Variants in ATP11A observed in about 807,000 individuals in gnomAD.
The protein encoded by ATP11A is ATPase phospholipid transporting 11A, also known as phospholipid-transporting ATPase IH.
A neutral mutation model predicts 154.4 loss-of-function variants in ATP11A; 81 were observed. The observed-to-expected ratio is 0.52, with a 90% confidence interval of 0.44 to 0.63. ATP11A has a LOEUF of 0.63. Ranked by LOEUF, ATP11A falls within the 30% of genes least tolerant of loss-of-function variation. The pLI is 0.00. For synonymous variants in ATP11A, 623 were observed against 585.9 expected (o/e 1.06, Z -0.91); for missense variants, 1,316 against 1,474.3 (o/e 0.89, Z 1.76).
rs59104065 is a variant in ATP11A at position 112,740,148 on chromosome 13, CTATATATA to C, written c.40-44972_40-44965del. On this transcript the variant is annotated intron_variant, in intron 1 of 29. Transcript: ENST00000375645. ...GAATTCTCTCTCTCTCTCTCTCTCTCTATATATATATATATATATATAGATATCTATAT... is the reference window on the plus strand; with the variant it reads ...GAATTCTCTCTCTCTCTCTCTCTCTCTATATATATATATAGATATCTATAT... 4.3e-3 allele frequency among the ~76,000 whole-genome samples: 589 copies of C among 137,900 alleles called. 6 individuals carry two copies. The highest frequency in any genetic ancestry group is 0.015 in the African/African-American group (546 of 35,970). 90.5% of individuals were successfully genotyped at this position (137,900 alleles called of 152,430 possible).
chr13:112,790,543 G>T (rs929131918), intron 2 of ATP11A, among the ~76,000 whole-genome samples: 1 of 149,154 alleles, frequency 6.7e-6, no homozygotes, highest in African/African-American at 2.5e-5. Context: ...ATTCACACCG[G>T]GTATTCTGAC....
At chr13:112,844,055 C>T (rs2079504982) in intron 17 of ATP11A, among the ~76,000 whole-genome samples, 2 of 152,216 alleles carry the variant, frequency 1.3e-5, no homozygotes, top group Admixed American at 1.3e-4. Flanking sequence ...AGCCTCAGTA[C>T]AGGGGCGTGT....
chr13:112,774,048 G>A (rs891730965), intron 1 of ATP11A, among the ~76,000 whole-genome samples: 1 of 152,190 alleles, frequency 6.6e-6, no homozygotes, highest in Non-Finnish European at 1.5e-5. Context: ...TCCACCTCAC[G>A]GGGAACTAGG....
At chr13:112,701,397 A>G (rs1401019425) in intron 1 of ATP11A, among the ~76,000 whole-genome samples, 2 of 152,188 alleles carry the variant, frequency 1.3e-5, no homozygotes, top group Admixed American at 1.3e-4. Flanking sequence ...GAATACAGGA[A>G]TAATCTACCT....
intron 1 of ATP11A, among the ~76,000 whole-genome samples, chr13:112,708,639 C>T (rs1441902549): frequency 6.6e-6 from 1 of 152,198 alleles, no homozygotes; most frequent in Non-Finnish European, 1.5e-5. Flanking sequence ...ACATGTCACC[C>T]TTGCAAACCT....
intron 28 of ATP11A, 87 bp from the exon 29 acceptor site, chr13:112,878,130 T>C: frequency 1.6e-6 from 2 of 1,240,548 alleles, no homozygotes; most frequent in East Asian, 4.7e-5. Flanking sequence ...TCCTTCCCAT[T>C]TCCTTCCGTC....
chr13:112,843,594 G>C (rs953822135), intron 17 of ATP11A, among the ~76,000 whole-genome samples: 1 of 152,210 alleles, frequency 6.6e-6, no homozygotes, highest in African/African-American at 2.4e-5. Flanking sequence ...ACCAAGGAAG[G>C]CTGAACCGAG....
rs1206407301 is a variant in ATP11A, at chr13:112,883,101, C to T, written c.*1235C>T. Reference sequence around the variant, plus strand: ...CTCATGTCCCCTTGTCCTGTCACCTCGTCCCCACGTCCCCTCGTCTCCTCA... The same window carrying T: ...CTCATGTCCCCTTGTCCTGTCACCTTGTCCCCACGTCCCCTCGTCTCCTCA... On this transcript the variant is annotated 3_prime_UTR_variant, in exon 30 of 30. Transcript: ENST00000375645. 24 of 266,442 alleles carry T rather than the reference C, an allele frequency of 9.0e-5. No homozygotes were observed. The highest frequency in any genetic ancestry group is 4.1e-4 in the African/African-American group (9 of 22,124). 16.5% of individuals were successfully genotyped at this position (266,442 alleles called of 1,614,324 possible).
intron 5 of ATP11A, 69 bp downstream of exon 5, chr13:112,810,795 G>T (rs9577843): frequency 0.3 from 431,524 of 1,435,416 alleles, 66,142 homozygotes; most frequent in Non-Finnish European, 0.32. Flanking sequence ...TTTTACCCAG[G>T]TGCAGTGGCT....
In ATP11A at chr13:112,836,289, G is replaced by A. The variant is rs146885316; in HGVS notation, c.1705+38G>A. On this transcript the variant is annotated intron_variant, in intron 16 of 29. Coordinates refer to ENST00000375645, the MANE Select transcript of ATP11A (RefSeq NM_015205.3). ...TTTCTTTTGATTTATTAAGTTATAC[G>A]TGGTGGTTGTGTTTTATTCTGATGA... is the stretch of plus-strand genomic sequence containing the variant. The A allele has an allele frequency of 7.2e-3, 9,503 of 1,328,820 alleles. 65 individuals carry two copies. The highest frequency in any genetic ancestry group is 9.2e-3 in the Non-Finnish European group (8,596 of 932,872). The allele number at this position is 1,328,820 out of a possible 1,614,324, so 82.3% of individuals were successfully genotyped here. A position where few individuals can be genotyped will look rare whatever the true frequency, so the allele number is the denominator to read the frequency against.
intron 1 of ATP11A, among the ~76,000 whole-genome samples, chr13:112,748,501 G>T (rs987215190): frequency 1.4e-4 from 22 of 152,246 alleles, no homozygotes; most frequent in African/African-American, 5.3e-4. Flanking sequence ...GAGTAGCTGA[G>T]ACTGTAGGTA....
intron 5 of ATP11A, 133 bp downstream of exon 5, chr13:112,810,859 T>C (rs1047937887): frequency 1.3e-6 from 1 of 765,072 alleles, no homozygotes; most frequent in Non-Finnish European, 2.1e-6. Context: ...TCGCTGAGCC[T>C]GGAAGTCGGA....
In ATP11A at chr13:112,840,695, G is replaced by A. The variant is rs574801665; in HGVS notation, c.1706-1581G>A. On this transcript the variant is annotated intron_variant, in intron 16 of 29. Transcript: ENST00000375645. ...TGGCAGCCACCTCAGCCACATGAGC[G>A]TCAAGTGTAGCCATGTTCCCACAGC... Among the ~76,000 whole-genome samples the A allele has an allele frequency of 3.0e-4, 45 of 152,074 alleles. 1 individual carries two copies. Among genetic ancestry groups the A allele is most frequent in the South Asian group, 8.3e-4 (4 of 4,812 alleles).
At chr13:112,831,055 T>A (rs1381238787) in intron 12 of ATP11A, among the ~76,000 whole-genome samples, 2 of 152,138 alleles carry the variant, frequency 1.3e-5, no homozygotes, top group African/African-American at 4.8e-5. Context: ...CCCACCCATG[T>A]CTCTGTCCCG....
At chr13:112,802,998 TC>T (rs1175182409) in intron 2 of ATP11A, among the ~76,000 whole-genome samples, 1 of 152,136 alleles carries the variant, frequency 6.6e-6, no homozygotes, top group Admixed American at 6.5e-5. Flanking sequence ...CTTCTGGAGC[TC>T]CCCTTGCCTT....
Position 112,755,378 on chromosome 13 carries a change from C to T in ATP11A, c.40-29757C>T, listed in dbSNP as rs545493940. On this transcript the variant is annotated intron_variant, in intron 1 of 29. Coordinates refer to ENST00000375645, the MANE Select transcript of ATP11A (RefSeq NM_015205.3). Reference sequence around the variant, plus strand: ...GGACAGTCTCTCTACACCCAGAGACCGGTTTTCCGCTTCTTGTCTGCGTCC... The same window carrying T: ...GGACAGTCTCTCTACACCCAGAGACTGGTTTTCCGCTTCTTGTCTGCGTCC... Among the ~76,000 whole-genome samples, 15 of 152,290 alleles carry T rather than the reference C, an allele frequency of 9.8e-5. No homozygotes were observed. The South Asian group carries it at 2.3e-3, about 23-fold the overall frequency.
intron 24 of ATP11A, among the ~76,000 whole-genome samples, chr13:112,861,997 C>CGTAAGGTGTCACAGCAGGT (rs1555341172): frequency 2.0e-5 from 3 of 152,220 alleles, no homozygotes; most frequent in East Asian, 1.9e-4. Flanking sequence ...TCACGTCAGG[C>CGTAAGGTGTCACAGCAGGT]GTAAGGTGTC....
At chr13:112,722,306 G>C (rs1414101624) in intron 1 of ATP11A, among the ~76,000 whole-genome samples, 3 of 149,264 alleles carry the variant, frequency 2.0e-5, no homozygotes, top group Non-Finnish European at 4.5e-5. Flanking sequence ...GGGTGGGCCC[G>C]GGGAGAGGGG....
chr13:112,741,137 G>C (rs986149944), intron 1 of ATP11A, among the ~76,000 whole-genome samples: 3 of 152,218 alleles, frequency 2.0e-5, no homozygotes, highest in Admixed American at 2.0e-4. Flanking sequence ...GGGTGGAAGT[G>C]CTCTGTTTGC....
Sources: allele counts gnomAD v4.1 joint callset (sites outside exome capture counted in the v4.1 genomes callset), GRCh38; gene constraint gnomAD v4.1.1; transcripts MANE v1.5; gene names NCBI Gene and HGNC (gene_info 2026-07-23, HGNC 2026-07-21).